The following CFAP61 variants were observed in gnomAD, a reference collection of about 807,000 sequenced individuals.
CFAP61 encodes the protein cilia and flagella associated protein 61.
CFAP61 carries 107 observed loss-of-function variants against 135.6 expected under a neutral mutation model. That is an observed-to-expected ratio of 0.79 (90% CI 0.67 to 0.93). The LOEUF is 0.93. CFAP61 is among the 40% of genes least tolerant of loss of function. The pLI, the probability that CFAP61 is intolerant of heterozygous loss-of-function variation, is 0.00. For missense variants in CFAP61, 1,507 were observed against 1,556.2 expected (o/e 0.97, Z 0.53); for synonymous variants, 575 against 578.5 (o/e 0.99, Z 0.09).
chr20:20,353,074 A>C (rs1214613837), intron 26 of CFAP61, among the ~76,000 whole-genome samples: 1 of 152,218 alleles, frequency 6.6e-6, no homozygotes. Context: ...TAAGCAAAGG[A>C]CCTGAATAGA....
At chr20:20,207,902 T>G (rs1020689206) in intron 17 of CFAP61, among the ~76,000 whole-genome samples, 2 of 152,228 alleles carry the variant, frequency 1.3e-5, no homozygotes, top group Non-Finnish European at 2.9e-5. Context: ...TATGGGGTTA[T>G]AGTGTTTGAA....
chr20:20,065,008 G>A (rs944413447), intron 2 of CFAP61, among the ~76,000 whole-genome samples: 3 of 152,160 alleles, frequency 2.0e-5, no homozygotes, highest in Admixed American at 6.5e-5. Flanking sequence ...CCAGGATAGA[G>A]ATCCCAGAAA....
chr20:20,164,326 T>C, intron 11 of CFAP61, 98 bp downstream of exon 11: 1 of 1,196,366 alleles, frequency 8.4e-7, no homozygotes, highest in Non-Finnish European at 1.2e-6. Flanking sequence ...TTTCCAAACC[T>C]GGCCCACATC....
At chr20:20,296,422 T>C (rs1272414438) in intron 24 of CFAP61, among the ~76,000 whole-genome samples, 2 of 120,376 alleles carry the variant, frequency 1.7e-5, no homozygotes, top group African/African-American at 3.1e-5. Flanking sequence ...TTCTTTTCTT[T>C]CTTCCTCCCT....
At position 20,223,460 on chromosome 20, in the gene CFAP61, T is replaced by C. The variant is rs937538708; in HGVS notation, c.1933-4789T>C. Among the ~76,000 whole-genome samples the C allele has an allele frequency of 9.9e-5, 15 of 152,206 alleles. No individual in the cohort carries two copies. In the East Asian group the frequency reaches 2.9e-3, roughly 29 times the overall value. ...TGCTATAATAAGAAAAAATTCACCATAGATAGACAGCATCATGATCCATTT... is the reference window on the plus strand; with the variant it reads ...TGCTATAATAAGAAAAAATTCACCACAGATAGACAGCATCATGATCCATTT... On this transcript the variant is annotated intron_variant, in intron 17 of 26. Transcript: ENST00000245957.
intron 6 of CFAP61, among the ~76,000 whole-genome samples, chr20:20,087,509 T>TGAA (rs1341889273): frequency 1.3e-5 from 2 of 152,186 alleles, no homozygotes; most frequent in African/African-American, 4.8e-5. Flanking sequence ...TAAAGTAAGA[T>TGAA]GAAGAAAGCA....
chr20:20,214,338 G>A (rs2047887219), intron 17 of CFAP61: 1 of 152,146 alleles, frequency 6.6e-6, no homozygotes, highest in African/African-American at 2.4e-5. Flanking sequence ...AGAGCTTTGT[G>A]TATGTGGGCA....
At chr20:20,301,195 A>G (rs2056069424) in intron 25 of CFAP61, among the ~76,000 whole-genome samples, 1 of 152,152 alleles carries the variant, frequency 6.6e-6, no homozygotes, top group Non-Finnish European at 1.5e-5. Context: ...AGTACCCTAT[A>G]CAGGTATACC....
At chr20:20,342,123 TA>T (rs763703417) in intron 26 of CFAP61, among the ~76,000 whole-genome samples, 1 of 152,258 alleles carries the variant, frequency 6.6e-6, no homozygotes, top group Non-Finnish European at 1.5e-5. Flanking sequence ...AATCTTTTTA[TA>T]GGGGGCAAAT....
rs74180987 is a variant in CFAP61 at position 20,285,280 on chromosome 20, G to GTT, written c.2797-3322_2797-3321dup. ...TTTATTATGTCTCTAAGCATGGTTT[G>GTT]TTTTTTTTGTTTTTAATTTGTCTTG... On this transcript the variant is annotated intron_variant, in intron 22 of 26. Coordinates refer to ENST00000245957, the MANE Select transcript of CFAP61 (RefSeq NM_015585.4). Among the ~76,000 whole-genome samples, 1,300 of 143,528 alleles carry GTT rather than the reference G, an allele frequency of 9.1e-3. 9 individuals carry two copies. The highest frequency in any genetic ancestry group is 0.025 in the Middle Eastern group (7 of 282). The allele number at this position is 143,528 out of a possible 152,430, so 94.2% of individuals were successfully genotyped here. A position where few individuals can be genotyped will look rare whatever the true frequency, so the allele number is the denominator to read the frequency against.
intron 26 of CFAP61, among the ~76,000 whole-genome samples, chr20:20,348,799 A>AG (rs1457304947): frequency 1.3e-5 from 2 of 149,302 alleles, no homozygotes; most frequent in Non-Finnish European, 3.0e-5. Context: ...AAAAACACTA[A>AG]AAAAAAAAAA....
chr20:20,295,075 C>G (rs905601047), intron 24 of CFAP61, among the ~76,000 whole-genome samples: 1 of 152,102 alleles, frequency 6.6e-6, no homozygotes, highest in Non-Finnish European at 1.5e-5. Flanking sequence ...CCACAAAACG[C>G]TCAGACTCTC....
At chr20:20,302,570 G>C (rs1228982379) in intron 25 of CFAP61, among the ~76,000 whole-genome samples, 3 of 152,188 alleles carry the variant, frequency 2.0e-5, no homozygotes, top group African/African-American at 7.2e-5. Flanking sequence ...GCTGAGGCAC[G>C]AGAATCACTT....
At chr20:20,260,103 G>T (rs999460379) in intron 20 of CFAP61, among the ~76,000 whole-genome samples, 14 of 152,214 alleles carry the variant, frequency 9.2e-5, no homozygotes, top group African/African-American at 3.4e-4. Flanking sequence ...ATGTATGGGT[G>T]TAAGAAACTT....
chr20:20,064,032 A>ACCCCCCCCCCCCCCCCCCCCCCCCC (rs373522191), intron 2 of CFAP61, among the ~76,000 whole-genome samples: 2 of 113,222 alleles, frequency 1.8e-5, no homozygotes, highest in Non-Finnish European at 3.9e-5. Flanking sequence ...AAATAGAGTA[A>ACCCCCCCCCCCCCCCCCCCCCCCCC]CCGCCCCCCA....
chr20:20,295,933 T>C (rs1392321496), intron 24 of CFAP61, among the ~76,000 whole-genome samples: 1 of 150,480 alleles, frequency 6.6e-6, no homozygotes, highest in Admixed American at 6.6e-5. Context: ...AGTCCTGGCT[T>C]TTTCCAAACT....
intron 21 of CFAP61, among the ~76,000 whole-genome samples, chr20:20,276,706 C>A (rs1371744906): frequency 6.6e-6 from 1 of 152,196 alleles, no homozygotes; most frequent in Non-Finnish European, 1.5e-5. Context: ...AAAGGGAAAA[C>A]TTCCTTGAAA....
At chr20:20,187,449 T>C (rs777217901) in intron 13 of CFAP61, among the ~76,000 whole-genome samples, 1 of 152,142 alleles carries the variant, frequency 6.6e-6, no homozygotes, top group Non-Finnish European at 1.5e-5. Flanking sequence ...CTTAAAAGCA[T>C]GAAGTCAAAG....
At chr20:20,104,535 T>A (rs2146651839) in intron 8 of CFAP61, among the ~76,000 whole-genome samples, 1 of 152,338 alleles carries the variant, frequency 6.6e-6, no homozygotes, top group Non-Finnish European at 1.5e-5. Context: ...ATTCTTCTTT[T>A]AACATGGATT....
Sources: gnomAD v4.1 joint callset for allele counts (sites outside exome capture counted in the v4.1 genomes callset) on GRCh38, gnomAD v4.1.1 for gene constraint, MANE v1.5 for transcripts, NCBI Gene and HGNC (gene_info 2026-07-23, HGNC 2026-07-21) for gene names.